KDM2B: variants seen among roughly 807,000 people sequenced by gnomAD.
KDM2B encodes the protein lysine-specific demethylase 2B.
KDM2B carries 26 observed loss-of-function variants against 150.0 expected under a neutral mutation model. That is an observed-to-expected ratio of 0.17 (90% confidence interval 0.13 to 0.24). KDM2B has a LOEUF of 0.24. Among genes scored for constraint, KDM2B ranks in the 10% least tolerant of loss-of-function variants. KDM2B has a pLI of 1.00. For missense variants in KDM2B, 1,265 were observed against 1,816.9 expected, an observed-to-expected ratio of 0.70 and a Z score of 5.52; for synonymous variants, 734 against 729.5, an observed-to-expected ratio of 1.01 and a Z score of -0.10.
chr12:121,547,658 T>C (rs1192560821), intron 6 of KDM2B, among the ~76,000 whole-genome samples: 14 of 148,612 alleles, frequency 9.4e-5, no homozygotes, highest in African/African-American at 3.2e-4. Context: ...TTTTTTTTTT[T>C]TTTTTTTTTG....
At chr12:121,493,059 C>A (rs1251523676) in intron 12 of KDM2B, among the ~76,000 whole-genome samples, 3 of 54,080 alleles carry the variant, frequency 5.5e-5, no homozygotes, top group Non-Finnish European at 6.2e-5. Flanking sequence ...TCATGCCTGG[C>A]TTTTTTTTTT....
rs369168371 is a variant in KDM2B at position 121,518,598 on chromosome 12, A to T, written c.1047+2387T>A. On this transcript the variant is annotated intron_variant, in intron 9 of 22. Coordinates refer to ENST00000377071, the MANE Select transcript of KDM2B (RefSeq NM_032590.5). This position sits in a 1 kb window ranked among gnomAD's most constrained non-coding sequence, Gnocchi z 4.4. ...TGTGATGCTCAGGGGTCCGGCCAGCACCCTGCCAGTCGTCATGGGTGGGGG... is the reference window on the plus strand; with the variant it reads ...TGTGATGCTCAGGGGTCCGGCCAGCTCCCTGCCAGTCGTCATGGGTGGGGG... Among the ~76,000 whole-genome samples, 3 of 152,072 alleles carry T rather than the reference A, an allele frequency of 2.0e-5. No homozygotes were observed. The highest frequency in any genetic ancestry group is 7.2e-5 in the African/African-American group (3 of 41,472).
chr12:121,539,205 C>T (rs1057402320), intron 6 of KDM2B, among the ~76,000 whole-genome samples: 29 of 151,516 alleles, frequency 1.9e-4, no homozygotes, highest in African/African-American at 7.0e-4. Context: ...TAATGGTGCG[C>T]GCCTGTAGTC....
At chr12:121,432,738 G>C (rs1489693397) in intron 22 of KDM2B, among the ~76,000 whole-genome samples, 2 of 152,180 alleles carry the variant, frequency 1.3e-5, no homozygotes, top group African/African-American at 2.4e-5. Context: ...CTGCCTTCCA[G>C]AGCACTGTCT....
chr12:121,443,577 A>C, intron 17 of KDM2B, 103 bp downstream of exon 17: 1 of 752,168 alleles, frequency 1.3e-6, no homozygotes, highest in Non-Finnish European at 2.4e-6. Flanking sequence ...GGGAAGCCTC[A>C]GGAGAGGCAG....
At chr12:121,529,950 C>G (rs1887498096) in intron 8 of KDM2B, among the ~76,000 whole-genome samples, 1 of 140,496 alleles carries the variant, frequency 7.1e-6, no homozygotes, top group Non-Finnish European at 1.5e-5. Flanking sequence ...AAAAGAAGAG[C>G]AGGCGCAGTG....
downstream of KDM2B, among the ~76,000 whole-genome samples, chr12:121,426,364 T>C (rs1872510189): frequency 6.6e-6 from 1 of 152,116 alleles, no homozygotes; most frequent in Non-Finnish European, 1.5e-5. Context: ...GCTTGATACT[T>C]GGAAATTGGC....
chr12:121,485,778 T>A (rs1555298790), intron 12 of KDM2B, among the ~76,000 whole-genome samples: 1 of 151,200 alleles, frequency 6.6e-6, no homozygotes, highest in African/African-American at 2.4e-5. Context: ...GTTGAAATGA[T>A]AACTTTTTTT....
chr12:121,420,632 TTGA>T, the KDM2B span: 5 of 1,614,150 alleles, frequency 3.1e-6, no homozygotes, highest in Non-Finnish European at 4.2e-6. Context: ...TTGTCAAGCC[TTGA>T]TGATGTGGAA....
At chr12:121,421,790 C>A in the KDM2B span, among the ~76,000 whole-genome samples, 1 of 152,112 alleles carries the variant, frequency 6.6e-6, no homozygotes, top group African/African-American at 2.4e-5. Context: ...CATGCCTGAC[C>A]CTCAGTGGTG....
chr12:121,504,072 T>C lies in KDM2B; in HGVS notation c.1647+5495A>G, dbSNP rs188036935. Among the ~76,000 whole-genome samples, 325 of 152,270 alleles carry C rather than the reference T, an allele frequency of 2.1e-3. 1 individual carries two copies. Among genetic ancestry groups the C allele is most frequent in the Non-Finnish European group, 3.7e-3 (251 of 68,026 alleles). On this transcript the variant is annotated intron_variant, in intron 11 of 22. Coordinates refer to ENST00000377071, the MANE Select transcript of KDM2B (RefSeq NM_032590.5). Reference sequence around the variant, plus strand: ...ATCTTGGCACTTCCATCACAGTAAGTGTCTATATTTATCATTTATGTTGAG... The same window carrying C: ...ATCTTGGCACTTCCATCACAGTAAGCGTCTATATTTATCATTTATGTTGAG...
At chr12:121,568,113 A>G (rs1013252765) in intron 4 of KDM2B, among the ~76,000 whole-genome samples, 5 of 152,146 alleles carry the variant, frequency 3.3e-5, no homozygotes, top group Admixed American at 1.3e-4. Flanking sequence ...GACAATTAAT[A>G]AGAGCCAACC....
Position 121,441,133 on chromosome 12 carries a change from G to A in KDM2B, c.3385C>T (p.Leu1129Phe). ...GAGATATTGGTCCAGCTGAGGTCGA[G>A]GGAGACGGGCTGTCGCCGGATGATG... Reference protein sequence around the residue: ...SGIIRRQPVSLDLSWTNISKK... With the variant: ...SGIIRRQPVSFDLSWTNISKK... The change falls in exon 20 of 23, where the codon CTC becomes TTC. Residue 1129 changes from leucine to phenylalanine, a missense_variant. Leu to Phe is a conservative substitution (Grantham distance 22, BLOSUM62 0). This residue lies in a region of KDM2B where 251 missense variants were observed against 397.8 expected (regional missense o/e 0.63). Transcript: ENST00000377071. The A allele has an allele frequency of 6.2e-7, 1 of 1,614,232 alleles. No individual in the cohort carries two copies. The highest frequency in any genetic ancestry group is 8.5e-7 in the Non-Finnish European group (1 of 1,180,038).
downstream of KDM2B, among the ~76,000 whole-genome samples, chr12:121,425,769 C>CTTTTT (rs111588236): frequency 1.4e-5 from 2 of 141,780 alleles, no homozygotes; most frequent in African/African-American, 2.6e-5. Context: ...TTTGTCTAAA[C>CTTTTT]TTTTTTTTTT....
At chr12:121,462,161 C>T (rs1288476553) in intron 12 of KDM2B, among the ~76,000 whole-genome samples, 5 of 152,250 alleles carry the variant, frequency 3.3e-5, no homozygotes, top group Admixed American at 2.6e-4. Flanking sequence ...TGTACTGTAT[C>T]GCACGACACA....
chr12:121,444,403 C>G, intron 15 of KDM2B, 47 bp downstream of exon 15: 3 of 1,609,994 alleles, frequency 1.9e-6, no homozygotes, highest in Non-Finnish European at 2.5e-6. Context: ...CAGGCCCAGG[C>G]CCGCCCCTCT....
intron 12 of KDM2B, among the ~76,000 whole-genome samples, chr12:121,483,716 AAC>A (rs10541701): frequency 0.62 from 93,034 of 150,256 alleles, 30,002 homozygotes; most frequent in African/African-American, 0.82. Flanking sequence ...AAACAACAAC[AAC>A]ACACACACAC....
At chr12:121,470,198 T>C (rs536623395) in intron 12 of KDM2B, 3 of 152,030 alleles carry the variant, frequency 2.0e-5, no homozygotes, top group Non-Finnish European at 4.4e-5. Flanking sequence ...TATCTTGAGG[T>C]TGATTTCCTT....
intron 12 of KDM2B, among the ~76,000 whole-genome samples, chr12:121,491,672 T>C (rs1301729243): frequency 6.6e-6 from 1 of 151,156 alleles, no homozygotes; most frequent in Non-Finnish European, 1.5e-5. Flanking sequence ...TACGCGCCTG[T>C]AATCCCAGCT....
Sources: gnomAD v4.1 joint callset for allele counts (sites outside exome capture counted in the v4.1 genomes callset) on GRCh38, gnomAD v4.1.1 for gene constraint, gnomAD v4.1.1 regional missense constraint, Gnocchi (gnomAD v3.1) non-coding constraint, MANE v1.5 for transcripts, NCBI Gene and HGNC (gene_info 2026-07-23, HGNC 2026-07-21) for gene names.